The following DENND1A variants were observed in gnomAD, a reference collection of about 807,000 sequenced individuals.
DENND1A encodes the protein DENN domain containing 1A, also known as DENN domain-containing protein 1A.
In DENND1A, 51 loss-of-function variants were observed where a neutral mutation model predicts 113.7. The observed-to-expected ratio is 0.45, with a 90% confidence interval of 0.36 to 0.57. DENND1A has a LOEUF of 0.57. DENND1A is among the 20% of genes least tolerant of loss of function. The pLI, the probability that DENND1A is intolerant of heterozygous loss-of-function variation, is 0.00. For synonymous variants in DENND1A, 565 were observed against 570.8 expected (o/e 0.99, Z 0.14); for missense variants, 1,258 against 1,395.9 (o/e 0.90, Z 1.57).
chr9:123,445,058 T>C (rs2047200501), intron 18 of DENND1A, among the ~76,000 whole-genome samples: 1 of 152,142 alleles, frequency 6.6e-6, no homozygotes, highest in South Asian at 2.1e-4. Context: ...GTATTCCTAT[T>C]ATTTTCCTTG....
chr9:123,493,420 T>A (rs1455677432), intron 13 of DENND1A, among the ~76,000 whole-genome samples: 1 of 152,070 alleles, frequency 6.6e-6, no homozygotes, highest in Non-Finnish European at 1.5e-5. Flanking sequence ...TGAAAGAGGA[T>A]GGGCGGTGCA....
chr9:123,414,646 C>CA (rs1486757295), intron 19 of DENND1A: 4 of 1,538,094 alleles, frequency 2.6e-6, no homozygotes, highest in Non-Finnish European at 3.5e-6. Context: ...CCAAACCAGG[C>CA]AAAAACCTAT....
chr9:123,509,215 T>C (rs1393827461), intron 13 of DENND1A, among the ~76,000 whole-genome samples: 1 of 152,182 alleles, frequency 6.6e-6, no homozygotes, highest in Non-Finnish European at 1.5e-5. Context: ...CTGAATGTAC[T>C]GTGGACAAAT....
At chr9:123,490,521 A>G (rs1795263093) in intron 13 of DENND1A, among the ~76,000 whole-genome samples, 1 of 152,106 alleles carries the variant, frequency 6.6e-6, no homozygotes, top group Non-Finnish European at 1.5e-5. Context: ...CCCAGGGGAC[A>G]GAGGTTATAG....
At chr9:123,704,801 T>A (rs1473324767) in intron 5 of DENND1A, among the ~76,000 whole-genome samples, 1 of 152,000 alleles carries the variant, frequency 6.6e-6, no homozygotes, top group Non-Finnish European at 1.5e-5. Context: ...AAATGGAATA[T>A]CACAAAATGA....
intron 2 of DENND1A, among the ~76,000 whole-genome samples, chr9:123,849,663 A>G (rs1378846957): frequency 6.6e-6 from 1 of 152,230 alleles, no homozygotes; most frequent in Non-Finnish European, 1.5e-5. Context: ...GAAATACATA[A>G]GGCTATAGCT....
chr9:123,514,978 C>G (rs533746781), intron 13 of DENND1A, among the ~76,000 whole-genome samples: 1 of 152,154 alleles, frequency 6.6e-6, no homozygotes, highest in South Asian at 2.1e-4. Context: ...GGGTGGAATA[C>G]GGTCATGTGT....
At chr9:123,500,137 A>G (rs1214484122) in intron 13 of DENND1A, among the ~76,000 whole-genome samples, 2 of 152,198 alleles carry the variant, frequency 1.3e-5, no homozygotes, top group Non-Finnish European at 2.9e-5. Flanking sequence ...CTAAAATAAA[A>G]GTTAAGAAAA....
At chr9:123,610,180 G>C (rs1019805721) in intron 10 of DENND1A, among the ~76,000 whole-genome samples, 1 of 152,188 alleles carries the variant, frequency 6.6e-6, no homozygotes, top group Non-Finnish European at 1.5e-5. Flanking sequence ...TTTAAAACCT[G>C]GGCATTTTGG....
intron 21 of DENND1A, among the ~76,000 whole-genome samples, chr9:123,391,761 G>GAAGAAAAA: frequency 9.1e-6 from 1 of 110,380 alleles, no homozygotes; most frequent in East Asian, 2.6e-4. Flanking sequence ...GGCAGAATAT[G>GAAGAAAAA]AAAAAAAAAA....
At position 123,403,480 on chromosome 9, in the gene DENND1A, G is replaced by A. The variant is rs771172412; in HGVS notation, c.1553C>T (p.Pro518Leu). The change falls in exon 21 of 24, where the codon CCT becomes CTT. Residue 518 changes from proline (P) to leucine (L), a missense_variant. Coordinates refer to ENST00000394215, the MANE Select transcript of DENND1A (RefSeq NM_001352964.2). ...KIQRSRPVRP[P>L]RPHVVKRPKS... ...TGGTCTCTTAACAACATGTGGACGA[G>A]GTGGGCGCACCTAGAGGAGGTACAG... The A allele has an allele frequency of 3.1e-6, 5 of 1,614,078 alleles. No individual in the cohort carries two copies. In the South Asian group the frequency reaches 3.3e-5, roughly 11 times the overall value.
intron 2 of DENND1A, among the ~76,000 whole-genome samples, chr9:123,875,955 AT>A (rs1341552700): frequency 6.6e-6 from 1 of 152,182 alleles, no homozygotes; most frequent in African/African-American, 2.4e-5. Flanking sequence ...ATAACATTAT[AT>A]TTCTTAACCT....
At chr9:123,676,866 A>AAATG in intron 5 of DENND1A, 77 bp from the exon 6 acceptor site, 1 of 1,379,912 alleles carries the variant, frequency 7.2e-7, no homozygotes, top group Non-Finnish European at 1.0e-6. Flanking sequence ...TTCAAGACTG[A>AAATG]TACATTTCAG....
intron 13 of DENND1A, among the ~76,000 whole-genome samples, chr9:123,556,883 T>A (rs752982805): frequency 6.6e-6 from 1 of 152,152 alleles, no homozygotes; most frequent in Non-Finnish European, 1.5e-5. Flanking sequence ...CTGCCCTTGG[T>A]TTCAGAGAAG....
chr9:123,457,946 C>T (rs1270020890), intron 13 of DENND1A, 49 bp from the exon 14 acceptor site: 7 of 1,420,220 alleles, frequency 4.9e-6, no homozygotes, highest in South Asian at 1.2e-5. Context: ...GAGCAAGAGC[C>T]ATCAGTTTTG....
intron 5 of DENND1A, among the ~76,000 whole-genome samples, chr9:123,709,591 C>T (rs1223718796): frequency 6.6e-6 from 1 of 152,188 alleles, no homozygotes. Context: ...CTTCCTCCTG[C>T]ATCCTAGCTT....
At chr9:123,702,925 A>G (rs553592862) in intron 5 of DENND1A, among the ~76,000 whole-genome samples, 1 of 152,358 alleles carries the variant, frequency 6.6e-6, no homozygotes, top group Non-Finnish European at 1.5e-5. Flanking sequence ...GTGGTATGTA[A>G]GTCCCTTATA....
chr9:123,690,034 A>C lies in DENND1A; in HGVS notation c.303-13245T>G, dbSNP rs189173670. ...AAAGGAGGGAAGGAGGGAGGGAAGA[A>C]AAGGAGGGAAGAAGGAAAGGAGGGA... On this transcript the variant is annotated intron_variant, in intron 5 of 23. Coordinates refer to ENST00000394215, the MANE Select transcript of DENND1A (RefSeq NM_001352964.2). Among the ~76,000 whole-genome samples the C allele has an allele frequency of 9.8e-3, 1,340 of 136,718 alleles. 21 individuals carry two copies. The highest frequency in any genetic ancestry group is 0.033 in the African/African-American group (1,233 of 37,532). 89.7% of individuals were successfully genotyped at this position (136,718 alleles called of 152,430 possible).
intron 13 of DENND1A, among the ~76,000 whole-genome samples, chr9:123,521,784 T>C (rs1000621125): frequency 1.3e-5 from 2 of 152,204 alleles, no homozygotes; most frequent in African/African-American, 2.4e-5. Context: ...ATATACTCAC[T>C]GGCTGTTACC....
Sources: allele counts gnomAD v4.1 joint callset (sites outside exome capture counted in the v4.1 genomes callset), GRCh38; gene constraint gnomAD v4.1.1; transcripts MANE v1.5; gene names NCBI Gene and HGNC (gene_info 2026-07-23, HGNC 2026-07-21).